ZBTB20: variants seen among roughly 807,000 people sequenced by gnomAD.
The protein encoded by ZBTB20 is zinc finger and BTB domain-containing protein 20.
A neutral mutation model predicts 56.9 loss-of-function variants in ZBTB20; 9 were observed. The observed-to-expected ratio is 0.16, with a 90% CI of 0.10 to 0.28. ZBTB20 has a LOEUF of 0.28. Ranked by LOEUF, ZBTB20 falls within the 10% of genes least tolerant of loss-of-function variation. ZBTB20 has a pLI of 1.00. For synonymous variants in ZBTB20, 417 were observed against 420.7 expected (o/e 0.99, Z 0.11); for missense variants, 655 against 1,003.0 (o/e 0.65, Z 4.69).
intron 10 of ZBTB20, chr3:114,367,369 T>G (rs919720991): frequency 2.0e-5 from 3 of 152,234 alleles, no homozygotes; most frequent in Non-Finnish European, 4.4e-5. Context: ...TGGGCTCAGG[T>G]GATCCTCCCA....
intron 5 of ZBTB20, chr3:114,758,916 AGTCT>A (rs1218729304): frequency 6.6e-6 from 1 of 152,060 alleles, no homozygotes; most frequent in African/African-American, 2.4e-5. Context: ...CTGAAACATC[AGTCT>A]ATGTATTTTT....
chr3:114,538,338 A>G (rs1469701161), intron 6 of ZBTB20, among the ~76,000 whole-genome samples: 3 of 152,082 alleles, frequency 2.0e-5, no homozygotes, highest in East Asian at 3.9e-4. Flanking sequence ...GTTTTCCACA[A>G]TTCTTCAACA....
chr3:114,890,155 A>G lies in ZBTB20; in HGVS notation c.-417+10149T>C, dbSNP rs1157588698. Reference sequence around the variant, plus strand: ...TTATTCCCTGAAACCAGAGATATGTATTAACAGTAAAATTCTTAAATACTG... The same window carrying G: ...TTATTCCCTGAAACCAGAGATATGTGTTAACAGTAAAATTCTTAAATACTG... On this transcript the variant is annotated intron_variant, in intron 4 of 11. Coordinates refer to ENST00000675478, the MANE Select transcript of ZBTB20 (RefSeq NM_001348800.3). 2.6e-5 allele frequency among the ~76,000 whole-genome samples: 4 copies of G among 152,212 alleles called. No individual in the cohort carries two copies. In the East Asian group the frequency reaches 5.8e-4, roughly 22 times the overall value.
chr3:114,524,961 G>A (rs1263453599), intron 6 of ZBTB20, among the ~76,000 whole-genome samples: 2 of 152,100 alleles, frequency 1.3e-5, no homozygotes, highest in African/African-American at 4.8e-5. Flanking sequence ...CAATCCACCT[G>A]CCTTGGCCTC....
intron 6 of ZBTB20, among the ~76,000 whole-genome samples, chr3:114,684,919 C>T (rs1005083256): frequency 6.6e-6 from 1 of 151,900 alleles, no homozygotes. Context: ...ACCATTTAGG[C>T]TCTATCAGTG....
In ZBTB20 at chr3:114,450,409, T is replaced by C. The variant is rs1465073921; in HGVS notation, c.-255+49943A>G. On this transcript the variant is annotated intron_variant, in intron 7 of 11. Transcript: ENST00000675478. ...TTTTCCGCTGAAGGAAAAAAGGCTTTTAAAATTTTTTGTTGAACGAAAAAT... is the reference window on the plus strand; with the variant it reads ...TTTTCCGCTGAAGGAAAAAAGGCTTCTAAAATTTTTTGTTGAACGAAAAAT... Among the ~76,000 whole-genome samples, 4 of 152,306 alleles carry C rather than the reference T, an allele frequency of 2.6e-5. No individual in the cohort carries two copies. The South Asian group carries it at 8.3e-4, about 32-fold the overall frequency.
intron 6 of ZBTB20, among the ~76,000 whole-genome samples, chr3:114,508,806 A>G (rs913900904): frequency 1.2e-4 from 18 of 152,188 alleles, no homozygotes; most frequent in African/African-American, 4.3e-4. Context: ...CAATTTCTTC[A>G]TAGCTGACTA....
chr3:114,845,481 G>C (rs1215143868), intron 4 of ZBTB20, among the ~76,000 whole-genome samples: 1 of 151,144 alleles, frequency 6.6e-6, no homozygotes, highest in African/African-American at 2.4e-5. Context: ...TAAATGTAAA[G>C]CAGTAAGTCC....
chr3:114,376,885 A>G (rs1157405129), intron 10 of ZBTB20, among the ~76,000 whole-genome samples: 1 of 152,202 alleles, frequency 6.6e-6, no homozygotes, highest in Non-Finnish European at 1.5e-5. Context: ...GGCCACAGGG[A>G]GGAAAATCAC....
chr3:115,111,357 T>C (rs1171154876), intron 1 of ZBTB20, among the ~76,000 whole-genome samples: 1 of 152,142 alleles, frequency 6.6e-6, no homozygotes, highest in Non-Finnish European at 1.5e-5. Flanking sequence ...TTATTATGAA[T>C]TTTATTTTAA....
intron 6 of ZBTB20, chr3:114,687,553 G>T (rs1390304813): frequency 6.7e-6 from 1 of 150,136 alleles, no homozygotes; most frequent in Non-Finnish European, 1.5e-5. Flanking sequence ...AATCCATAGG[G>T]AGATTTACTT....
intron 6 of ZBTB20, chr3:114,529,198 G>A (rs2047561804): frequency 6.6e-6 from 1 of 152,204 alleles, no homozygotes; most frequent in South Asian, 2.1e-4. Context: ...GATGTTGGTG[G>A]AAGTGACATA....
chr3:114,617,599 T>C (rs2058027863), intron 6 of ZBTB20, among the ~76,000 whole-genome samples: 1 of 152,214 alleles, frequency 6.6e-6, no homozygotes, highest in African/African-American at 2.4e-5. Context: ...CATCTTTGTA[T>C]TGTAAATGAC....
chr3:114,372,881 A>T lies in ZBTB20; in HGVS notation c.199+7336T>A, dbSNP rs2083195819. On this transcript the variant is annotated intron_variant, in intron 10 of 11. Coordinates refer to ENST00000675478, the MANE Select transcript of ZBTB20 (RefSeq NM_001348800.3). The stretch of plus-strand genomic sequence containing the variant: ...AAATAAAAAGAAAATTTATTTTGTG[A>T]TTTACTGATCAAAATCATCACTAGG... Among the ~76,000 whole-genome samples the T allele has an allele frequency of 2.0e-5, 3 of 152,098 alleles. No individual in the cohort carries two copies. In the South Asian group the frequency reaches 6.2e-4, roughly 32 times the overall value.
intron 6 of ZBTB20, among the ~76,000 whole-genome samples, chr3:114,618,158 A>G (rs1202458986): frequency 6.6e-6 from 1 of 151,636 alleles, no homozygotes; most frequent in Non-Finnish European, 1.5e-5. Flanking sequence ...TCCTCAATAA[A>G]TATTTATTAA....
Position 114,769,269 on chromosome 3 carries a change from C to T in ZBTB20, c.-343+31832G>A, listed in dbSNP as rs546464439. Among the ~76,000 whole-genome samples, 4 of 151,916 alleles carry T rather than the reference C, an allele frequency of 2.6e-5. No homozygotes were observed. The South Asian group carries it at 8.3e-4, about 31-fold the overall frequency. On this transcript the variant is annotated intron_variant, in intron 5 of 11. Transcript: ENST00000675478. ...CAAGTTGACAAATCACTTATAATTG[C>T]TACATATTATAGCAGCACAATTCAC... is the stretch of plus-strand genomic sequence containing the variant.
intron 3 of ZBTB20, among the ~76,000 whole-genome samples, chr3:114,913,211 A>T (rs993761479): frequency 2.0e-5 from 3 of 151,928 alleles, no homozygotes; most frequent in African/African-American, 7.2e-5. Context: ...CAGTGTACAA[A>T]GATTCTCTTT....
At chr3:114,950,616 A>G (rs2077033898) in intron 3 of ZBTB20, among the ~76,000 whole-genome samples, 1 of 152,146 alleles carries the variant, frequency 6.6e-6, no homozygotes, top group Admixed American at 6.5e-5. Flanking sequence ...ATTATTTGGC[A>G]CTATCTACTA....
At chr3:115,119,846 T>C (rs1421830067) in intron 1 of ZBTB20, among the ~76,000 whole-genome samples, 1 of 152,162 alleles carries the variant, frequency 6.6e-6, no homozygotes, top group Non-Finnish European at 1.5e-5. Context: ...GTGAATTACT[T>C]ATATGACACT....
Sources: allele counts gnomAD v4.1 joint callset (sites outside exome capture counted in the v4.1 genomes callset), GRCh38; gene constraint gnomAD v4.1.1; transcripts MANE v1.5; gene names NCBI Gene and HGNC (gene_info 2026-07-23, HGNC 2026-07-21).